The following MSI2 variants were observed in gnomAD, a reference collection of about 807,000 sequenced individuals.
MSI2 encodes the protein RNA-binding protein Musashi homolog 2.
Under a neutral mutation model 45.6 loss-of-function variants are expected in MSI2, and 17 were observed. The observed-to-expected ratio is 0.37, with a 90% confidence interval of 0.26 to 0.56. MSI2 has a LOEUF of 0.56. MSI2 is among the 20% of genes least tolerant of loss of function. The probability of loss-of-function intolerance (pLI) is 0.77; values close to 1 mark genes in which losing one functional copy is unlikely to be tolerated. For synonymous variants in MSI2, 156 were observed against 158.2 expected (o/e 0.99, Z 0.11); for missense variants, 293 against 444.2 (o/e 0.66, Z 3.06).
intron 6 of MSI2, among the ~76,000 whole-genome samples, chr17:57,464,003 GTGTGTGTGTGTGTGTGTA>G (rs1011152292): frequency 2.4e-4 from 30 of 125,544 alleles, no homozygotes; most frequent in African/African-American, 6.6e-4. Flanking sequence ...GTGTGTGTGT[GTGTGTGTGTGTGTGTGTA>G]TGTGTGTGTG....
At chr17:57,476,832 T>G (rs1003533945) in intron 6 of MSI2, among the ~76,000 whole-genome samples, 1 of 152,234 alleles carries the variant, frequency 6.6e-6, no homozygotes, top group Non-Finnish European at 1.5e-5. Context: ...CACATGGGAA[T>G]GTCATGGGTT....
intron 7 of MSI2, among the ~76,000 whole-genome samples, chr17:57,537,711 A>G (rs2086950686): frequency 6.6e-6 from 1 of 152,142 alleles, no homozygotes; most frequent in Non-Finnish European, 1.5e-5. Context: ...TGAGATATTA[A>G]TCAACACAGT....
rs988855110 is a variant in MSI2, at chr17:57,682,315, GA to G, written c.*2799del. On this transcript the variant is annotated 3_prime_UTR_variant, in exon 14 of 14. Coordinates refer to ENST00000284073, the MANE Select transcript of MSI2 (RefSeq NM_138962.4). ...CCGGCGGACTCTACGGCGTTTTGTAGATCCCCCCCCCCCCACCCACTGTGAA... is the reference window on the plus strand; with the variant it reads ...CCGGCGGACTCTACGGCGTTTTGTAGTCCCCCCCCCCCCACCCACTGTGAA... The G allele has an allele frequency of 6.9e-6, 1 of 145,794 alleles. No homozygotes were observed. Among genetic ancestry groups the G allele is most frequent in the Non-Finnish European group, 1.4e-5 (1 of 71,876 alleles). 9.0% of individuals were successfully genotyped at this position (145,794 alleles called of 1,614,324 possible). A position where few individuals can be genotyped will look rare whatever the true frequency, so the allele number is the denominator to read the frequency against.
chr17:57,393,958 A>C (rs1424971102), intron 5 of MSI2, among the ~76,000 whole-genome samples: 2 of 152,386 alleles, frequency 1.3e-5, no homozygotes, highest in East Asian at 3.9e-4. Flanking sequence ...CTGGGATTAC[A>C]GGTGTGAGCC....
At chr17:57,668,324 G>A (rs891426517) in intron 11 of MSI2, among the ~76,000 whole-genome samples, 28 of 152,222 alleles carry the variant, frequency 1.8e-4, no homozygotes, top group South Asian at 4.2e-4. Context: ...TTTAGAACTG[G>A]CTAATAGTGA....
chr17:57,517,906 A>G (rs2086504327), intron 6 of MSI2, among the ~76,000 whole-genome samples: 1 of 152,204 alleles, frequency 6.6e-6, no homozygotes, highest in African/African-American at 2.4e-5. Flanking sequence ...ACCGTAGTAC[A>G]GGGGTGTCAG....
chr17:57,475,003 T>A (rs1216868693), intron 6 of MSI2, among the ~76,000 whole-genome samples: 2 of 152,210 alleles, frequency 1.3e-5, no homozygotes, highest in Admixed American at 6.5e-5. Context: ...ATTACAGGGA[T>A]GAGCCACCGC....
intron 6 of MSI2, among the ~76,000 whole-genome samples, chr17:57,456,397 C>CAGG (rs1196939348): frequency 6.6e-6 from 1 of 152,186 alleles, no homozygotes; most frequent in African/African-American, 2.4e-5. Flanking sequence ...ATCACGAGAT[C>CAGG]AGGAGTTCAA....
chr17:57,327,142 T>C (rs1397771661), intron 5 of MSI2, among the ~76,000 whole-genome samples: 2 of 152,102 alleles, frequency 1.3e-5, no homozygotes, highest in Non-Finnish European at 2.9e-5. Context: ...CTGGGCACGG[T>C]AATCCACCGT....
chr17:57,434,309 A>G (rs1458216302), intron 6 of MSI2, among the ~76,000 whole-genome samples: 5 of 152,208 alleles, frequency 3.3e-5, no homozygotes, highest in Non-Finnish European at 7.3e-5. Context: ...CGTGTTGCCT[A>G]GGCTGATCTC....
At chr17:57,616,281 A>ATGTGTGTG (rs141665856) in intron 9 of MSI2, 197 bp downstream of exon 9, 20 of 480,004 alleles carry the variant, frequency 4.2e-5, no homozygotes, top group African/African-American at 3.9e-4. Flanking sequence ...GTGTGCATGC[A>ATGTGTGTG]TGTGTGTGTG....
In MSI2 at chr17:57,679,441, G is replaced by A. The variant is rs539795142; in HGVS notation, c.*32-108G>A. 9.7e-5 allele frequency: 46 copies of A among 473,094 alleles called. 1 individual carries two copies. Among genetic ancestry groups the A allele is most frequent in the East Asian group, 5.4e-4 (7 of 13,060 alleles). The allele number at this position is 473,094 out of a possible 1,614,324, so 29.3% of individuals were successfully genotyped here. On this transcript the variant is annotated intron_variant, in intron 13 of 13. Coordinates refer to ENST00000284073, the MANE Select transcript of MSI2 (RefSeq NM_138962.4). ...AGTGAAGTCCATCTTTGAAACTCTA[G>A]TTAAAACAGTGGAGGAAATCGCATA...
At chr17:57,647,747 C>A (rs556333488) in intron 10 of MSI2, among the ~76,000 whole-genome samples, 43 of 149,004 alleles carry the variant, frequency 2.9e-4, no homozygotes, top group African/African-American at 9.9e-4. Flanking sequence ...CAGGTTCAAG[C>A]AATTCTCGTG....
chr17:57,324,533 T>C (rs1913627639), intron 5 of MSI2, among the ~76,000 whole-genome samples: 1 of 152,240 alleles, frequency 6.6e-6, no homozygotes, highest in Admixed American at 6.5e-5. Flanking sequence ...TGGCTGTGCA[T>C]GTTGGCCCAT....
At chr17:57,433,800 G>A (rs769150144) in intron 6 of MSI2, among the ~76,000 whole-genome samples, 5 of 152,200 alleles carry the variant, frequency 3.3e-5, no homozygotes, top group Non-Finnish European at 7.3e-5. Flanking sequence ...CCGCTCATGC[G>A]GATTGTGGTT....
At chr17:57,633,522 C>A (rs1909594104) in intron 10 of MSI2, among the ~76,000 whole-genome samples, 1 of 152,272 alleles carries the variant, frequency 6.6e-6, no homozygotes, top group African/African-American at 2.4e-5. Flanking sequence ...TGTGCGCCGT[C>A]TTACCCTCGC....
intron 5 of MSI2, among the ~76,000 whole-genome samples, chr17:57,373,260 T>G (rs150325195): frequency 4.7e-5 from 7 of 150,138 alleles, no homozygotes; most frequent in African/African-American, 1.7e-4. Context: ...TTAGGTGTGT[T>G]AAGATCCTGG....
rs1393132390 is a variant in MSI2, at chr17:57,652,519, G to A, written c.790+358G>A. 1.3e-5 allele frequency among the ~76,000 whole-genome samples: 2 copies of A among 152,176 alleles called. No homozygotes were observed. The highest frequency in any genetic ancestry group is 2.9e-5 in the Non-Finnish European group (2 of 68,024). On this transcript the variant is annotated intron_variant, in intron 11 of 13. Coordinates refer to ENST00000284073, the MANE Select transcript of MSI2 (RefSeq NM_138962.4). This position sits in a 1 kb window ranked among gnomAD's most constrained non-coding sequence, Gnocchi z 4.1. ...CTCCTTGGCTTTTGCTAATTCAACA[G>A]GCTCCCTTCCTTGGGTCCCTGAGCC...
At chr17:57,369,773 A>G (rs902605419) in intron 5 of MSI2, among the ~76,000 whole-genome samples, 17 of 152,218 alleles carry the variant, frequency 1.1e-4, no homozygotes, top group Non-Finnish European at 1.5e-4. Flanking sequence ...AGATGAAGAA[A>G]CAGAGGCACA....
Sources: allele counts gnomAD v4.1 joint callset (sites outside exome capture counted in the v4.1 genomes callset), GRCh38; gene constraint gnomAD v4.1.1; non-coding constraint Gnocchi (gnomAD v3.1); transcripts MANE v1.5; gene names NCBI Gene and HGNC (gene_info 2026-07-23, HGNC 2026-07-21).